PDE4A: variants seen among roughly 807,000 people sequenced by gnomAD.
PDE4A encodes 3',5'-cyclic-AMP phosphodiesterase 4A.
Under a neutral mutation model 73.9 loss-of-function variants are expected in PDE4A, and 21 were observed. The observed-to-expected ratio is 0.28, with a 90% CI of 0.20 to 0.41. PDE4A has a LOEUF of 0.41. Among genes scored for constraint, PDE4A ranks in the 10% least tolerant of loss-of-function variants. The pLI is 1.00. For synonymous variants in PDE4A, 463 were observed against 505.4 expected (o/e 0.92, Z 1.13); for missense variants, 958 against 1,211.4 (o/e 0.79, Z 3.10).
chr19:10,426,369 A>G (rs1057133348), intron 1 of PDE4A, among the ~76,000 whole-genome samples: 1 of 151,996 alleles, frequency 6.6e-6, no homozygotes, highest in African/African-American at 2.4e-5. Flanking sequence ...ATTCGGCCCA[A>G]CACAAATTCG....
In PDE4A at chr19:10,420,587, A is replaced by C. The variant is rs2042636202; in HGVS notation, c.-178A>C. 7.9e-7 allele frequency: 1 copy of C among 1,272,492 alleles called. No homozygotes were observed. 78.8% of individuals were successfully genotyped at this position (1,272,492 alleles called of 1,614,324 possible). On this transcript the variant is annotated 5_prime_UTR_variant, in exon 1 of 15. Transcript: ENST00000380702. The surrounding 1 kb of genome is among the most constrained non-coding windows in gnomAD (Gnocchi z 6.0). Reference sequence around the variant, plus strand: ...GCTCCAGGCGCCGAAAGGAAGCTGCAGAGCCCGGCCCGGGGGCGATTGGCC... The same window carrying C: ...GCTCCAGGCGCCGAAAGGAAGCTGCCGAGCCCGGCCCGGGGGCGATTGGCC...
In PDE4A at chr19:10,463,808, G is replaced by A. The variant is rs1433602124; in HGVS notation, c.1759G>A (p.Val587Met). 6.2e-7 allele frequency: 1 copy of A among 1,614,140 alleles called. No individual in the cohort carries two copies. Among genetic ancestry groups the A allele is most frequent in the Non-Finnish European group, 8.5e-7 (1 of 1,180,018 alleles). Residue 587 changes from valine (V) to methionine (M), a missense_variant, in exon 14 of 15, where the codon GTG becomes ATG. Val to Met is a conservative substitution (Grantham distance 21). This residue lies in a region of PDE4A where 570 missense variants were observed against 827.7 expected (regional missense o/e 0.69). Coordinates refer to ENST00000380702, the MANE Select transcript of PDE4A (RefSeq NM_001111307.2). ...CCCCATGCAGGTCCTCCGGAACATG[G>A]TGCACTGTGCCGACCTCAGCAACCC... The part of the protein sequence containing the change: ...SDRIQVLRNM[V>M]HCADLSNPTK...
At chr19:10,447,023 C>G (rs1283222381) in intron 2 of PDE4A, among the ~76,000 whole-genome samples, 1 of 148,520 alleles carries the variant, frequency 6.7e-6, no homozygotes. Context: ...CTCAGCTTCC[C>G]GAGTAGTTGG....
chr19:10,429,716 G>A (rs553293957), intron 1 of PDE4A, among the ~76,000 whole-genome samples: 2 of 152,224 alleles, frequency 1.3e-5, no homozygotes, highest in South Asian at 2.1e-4. Flanking sequence ...AGGACTGTGG[G>A]GTGCATCTTG....
rs902031298 is a variant in PDE4A at position 10,421,408 on chromosome 19, A to C, written c.320+324A>C. The C allele has an allele frequency of 6.5e-6, 6 of 922,872 alleles. No individual in the cohort carries two copies. The African/African-American group carries it at 1.1e-4, about 16-fold the overall frequency. The allele number at this position is 922,872 out of a possible 1,614,324, so 57.2% of individuals were successfully genotyped here. Reference sequence around the variant, plus strand: ...AGTGCAGAACAGCTGCTAAGCTGGGAACCACTTGGAGGGACCTTCCTGGGG... The same window carrying C: ...AGTGCAGAACAGCTGCTAAGCTGGGCACCACTTGGAGGGACCTTCCTGGGG... On this transcript the variant is annotated intron_variant, in intron 1 of 14. Coordinates refer to ENST00000380702, the MANE Select transcript of PDE4A (RefSeq NM_001111307.2).
At chr19:10,420,340 C>G, upstream of PDE4A, 2 of 970,248 alleles carry the variant, frequency 2.1e-6, no homozygotes, top group Middle Eastern at 5.3e-4. This position sits in a 1 kb window ranked among gnomAD's most constrained non-coding sequence, Gnocchi z 6.0. Flanking sequence ...CCAGCGCCCC[C>G]TCCCAGCCCG....
intron 1 of PDE4A, among the ~76,000 whole-genome samples, chr19:10,432,129 G>C (rs2042797430): frequency 1.4e-5 from 2 of 144,892 alleles, no homozygotes; most frequent in South Asian, 4.6e-4. Flanking sequence ...GCCCGGAGCC[G>C]GGAAACCGGA....
Position 10,467,262 on chromosome 19 carries a change from G to A in PDE4A, c.2302G>A (p.Ala768Thr). 2.5e-6 allele frequency: 4 copies of A among 1,614,236 alleles called. No individual in the cohort carries two copies. Among genetic ancestry groups the A allele is most frequent in the Non-Finnish European group, 3.4e-6 (4 of 1,180,038 alleles). ...QESLEVMAQEASLEAELEAVY... is the reference protein window; with the variant it reads ...QESLEVMAQETSLEAELEAVY... ...GTCGTTGGAAGTTATGGCACAGGAA[G>A]CATCCCTGGAGGCCGAGCTGGAGGC... is the stretch of plus-strand genomic sequence containing the variant. Residue 768 changes from alanine to threonine, a missense_variant, in exon 15 of 15, where the codon GCA (alanine) becomes ACA (threonine). By Grantham distance (58) the Ala-to-Thr change is moderately conservative (BLOSUM62 0). Transcript: ENST00000380702.
chr19:10,420,634 C>T lies in PDE4A; in HGVS notation c.-131C>T, dbSNP rs867919690. On this transcript the variant is annotated 5_prime_UTR_variant, in exon 1 of 15. Coordinates refer to ENST00000380702, the MANE Select transcript of PDE4A (RefSeq NM_001111307.2). The surrounding 1 kb of genome is among the most constrained non-coding windows in gnomAD (Gnocchi z 6.0). ...GGCCCGCAGCGCCCCCGGGTCTGTC[C>T]CCGGGGCGCCATGGCCCTACCGCGG... 1 of 1,345,254 alleles carries T rather than the reference C, an allele frequency of 7.4e-7. No homozygotes were observed. Among genetic ancestry groups the T allele is most frequent in the Middle Eastern group, 2.8e-4 (1 of 3,622 alleles). The allele number at this position is 1,345,254 out of a possible 1,614,324, so 83.3% of individuals were successfully genotyped here.
At chr19:10,437,257 G>A (rs1183105457) in intron 1 of PDE4A, among the ~76,000 whole-genome samples, 1 of 151,946 alleles carries the variant, frequency 6.6e-6, no homozygotes, top group Non-Finnish European at 1.5e-5. Flanking sequence ...CTGAGTAGCT[G>A]AGATCACAGG....
intron 11 of PDE4A, 94 bp downstream of exon 11, chr19:10,461,197 C>G: frequency 8.1e-7 from 1 of 1,228,666 alleles, no homozygotes; most frequent in Non-Finnish European, 1.0e-6. Context: ...GAGGGGCTGG[C>G]TGGCCTGGGG....
At position 10,467,799 on chromosome 19, in the gene PDE4A, C is replaced by T. The variant is rs1228727965; in HGVS notation, c.*178C>T. 5 of 452,304 alleles carry T rather than the reference C, an allele frequency of 1.1e-5. No homozygotes were observed. The highest frequency in any genetic ancestry group is 4.0e-5 in the African/African-American group (2 of 49,542). The allele number at this position is 452,304 out of a possible 1,614,324, so 28.0% of individuals were successfully genotyped here. A position where few individuals can be genotyped will look rare whatever the true frequency, so the allele number is the denominator to read the frequency against. ...TCCCCTTTCCCCCTGCCCCCACCCA[C>T]GGGGCCTTTTTTTGGAGGTGGGGGC... On this transcript the variant is annotated 3_prime_UTR_variant, in exon 15 of 15. Coordinates refer to ENST00000380702, the MANE Select transcript of PDE4A (RefSeq NM_001111307.2).
chr19:10,465,891 G>C (rs937687723), intron 14 of PDE4A, among the ~76,000 whole-genome samples: 12 of 149,516 alleles, frequency 8.0e-5, no homozygotes, highest in Non-Finnish European at 1.8e-4. Context: ...AGTAGAGACA[G>C]GGTTTCACCA....
Position 10,467,462 on chromosome 19 carries a change from G to T in PDE4A, c.2502G>T (p.Pro834=). The T allele has an allele frequency of 6.2e-7, 1 of 1,613,034 alleles. No homozygotes were observed. The highest frequency in any genetic ancestry group is 8.5e-7 in the Non-Finnish European group (1 of 1,179,740). ...WRTLSVSEHA[P]GLPGLPSTAA... ...CCCTGTCTGTTTCAGAGCATGCCCC[G>T]GGCCTCCCGGGCCTCCCCTCCACGG... Residue 834 remains proline (P), a synonymous_variant, in exon 15 of 15, where the codon CCG becomes CCT. Transcript: ENST00000380702.
At chr19:10,457,236 A>G (rs991903172) in intron 7 of PDE4A, among the ~76,000 whole-genome samples, 1 of 152,148 alleles carries the variant, frequency 6.6e-6, no homozygotes. Context: ...TACTCCCACC[A>G]GTGAGGGTGT....
Position 10,443,365 on chromosome 19 carries a change from C to T in PDE4A, c.321-2853C>T, listed in dbSNP as rs192866622. Among the ~76,000 whole-genome samples, 19 of 151,030 alleles carry T rather than the reference C, an allele frequency of 1.3e-4. No homozygotes were observed. The East Asian group carries it at 3.2e-3, about 25-fold the overall frequency. On this transcript the variant is annotated intron_variant, in intron 1 of 14. Transcript: ENST00000380702. The stretch of plus-strand genomic sequence containing the variant: ...TTCCAGACCAACCTGGACAACATGG[C>T]GAGACCCCATCTCTACAAAAAATAC...
intron 1 of PDE4A, among the ~76,000 whole-genome samples, chr19:10,426,270 T>G (rs1031460249): frequency 6.6e-6 from 1 of 152,188 alleles, no homozygotes; most frequent in Admixed American, 6.6e-5. Context: ...GCAGATTCGT[T>G]CATTCCACAA....
Position 10,467,059 on chromosome 19 carries a change from AC to A in PDE4A, c.2102del (p.Pro701HisfsTer11). 1 of 1,614,118 alleles carries A rather than the reference AC, an allele frequency of 6.2e-7. No homozygotes were observed. Among genetic ancestry groups the A allele is most frequent in the Non-Finnish European group, 8.5e-7 (1 of 1,180,014 alleles). On this transcript the variant is annotated frameshift_variant, in exon 15 of 15. Transcript: ENST00000380702. LOFTEE classifies it low-confidence loss of function (END_TRUNC). ...GAGGAGGAGTCAAGGGGGCCAGGCC[AC>A]CCACCCCTGCCTGACAAGTTCCAGT... Reference protein sequence around the residue: ...PPEEESRGPGHPPLPDKFQFE... With the variant: ...PPEEESRGPGXPPLPDKFQFE...
At chr19:10,425,415 G>A (rs914760374) in intron 1 of PDE4A, among the ~76,000 whole-genome samples, 1 of 152,152 alleles carries the variant, frequency 6.6e-6, no homozygotes, top group Non-Finnish European at 1.5e-5. Flanking sequence ...CTGTGGTGAG[G>A]CTGATATGTT....
Sources: gnomAD v4.1 joint callset for allele counts (sites outside exome capture counted in the v4.1 genomes callset) on GRCh38, gnomAD v4.1.1 for gene constraint, gnomAD v4.1.1 regional missense constraint, Gnocchi (gnomAD v3.1) non-coding constraint, MANE v1.5 for transcripts, NCBI Gene and HGNC (gene_info 2026-07-23, HGNC 2026-07-21) for gene names.